Variants in NR3C2 observed in about 807,000 individuals in gnomAD.
NR3C2 encodes mineralocorticoid receptor.
A neutral mutation model predicts 86.4 loss-of-function variants in NR3C2; 15 were observed. The ratio of observed to expected loss-of-function variants is 0.17; its 90% CI spans 0.12 to 0.27. NR3C2 has a LOEUF of 0.27. NR3C2 is among the 10% of genes least tolerant of loss of function. NR3C2 has a pLI of 1.00. For missense variants in NR3C2, 960 were observed against 1,195.6 expected (o/e 0.80, Z 2.91); for synonymous variants, 458 against 450.5 (o/e 1.02, Z -0.21).
intron 6 of NR3C2, among the ~76,000 whole-genome samples, chr4:148,131,221 AGTGT>A (rs1733029308): frequency 6.6e-6 from 1 of 152,158 alleles, no homozygotes; most frequent in Admixed American, 6.5e-5. Flanking sequence ...AGGCAGCAAT[AGTGT>A]CAATCTCGCA....
At chr4:148,340,764 CAAAT>C (rs998498419) in intron 2 of NR3C2, among the ~76,000 whole-genome samples, 3 of 152,016 alleles carry the variant, frequency 2.0e-5, no homozygotes, top group African/African-American at 7.2e-5. Context: ...GGAACTCAAA[CAAAT>C]AAATTTAAAA....
intron 2 of NR3C2, among the ~76,000 whole-genome samples, chr4:148,411,156 A>T (rs900132518): frequency 3.3e-5 from 5 of 151,606 alleles, no homozygotes; most frequent in Admixed American, 6.6e-5. Context: ...CACTGGCCCA[A>T]ACAAAGAATC....
At chr4:148,314,485 ATTATATCTTACAT>A (rs1743067228) in intron 2 of NR3C2, among the ~76,000 whole-genome samples, 1 of 152,270 alleles carries the variant, frequency 6.6e-6, no homozygotes, top group South Asian at 2.1e-4. Flanking sequence ...TTTAAGTAAA[ATTATATCTTACAT>A]TTATATTTTA....
intron 3 of NR3C2, among the ~76,000 whole-genome samples, chr4:148,247,567 A>G (rs370485603): frequency 6.6e-6 from 1 of 151,730 alleles, no homozygotes; most frequent in Admixed American, 6.6e-5. Context: ...GACACAGTAG[A>G]TGATTTAAAA....
intron 2 of NR3C2, chr4:148,368,539 A>G (rs1217694559): frequency 6.6e-6 from 1 of 152,168 alleles, no homozygotes; most frequent in Non-Finnish European, 1.5e-5. Context: ...AATAAAATGA[A>G]CATGGTACTT....
intron 2 of NR3C2, among the ~76,000 whole-genome samples, chr4:148,329,523 CT>C (rs1462942067): frequency 6.6e-6 from 1 of 152,052 alleles, no homozygotes; most frequent in Non-Finnish European, 1.5e-5. Context: ...CTTCACTGCC[CT>C]TTTTTCCACA....
intron 2 of NR3C2, among the ~76,000 whole-genome samples, chr4:148,366,197 A>T (rs965505537): frequency 5.3e-5 from 8 of 152,192 alleles, no homozygotes; most frequent in Non-Finnish European, 1.2e-4. Flanking sequence ...AATCAAAAAA[A>T]AATAACAAAG....
chr4:148,316,480 C>T (rs902027372), intron 2 of NR3C2, among the ~76,000 whole-genome samples: 10 of 152,032 alleles, frequency 6.6e-5, no homozygotes, highest in African/African-American at 2.2e-4. Flanking sequence ...TTCTATAAGG[C>T]ATTAATTACG....
At chr4:148,439,850 A>G (rs1173868400) in intron 1 of NR3C2, among the ~76,000 whole-genome samples, 1 of 152,202 alleles carries the variant, frequency 6.6e-6, no homozygotes, top group Non-Finnish European at 1.5e-5. Flanking sequence ...AAGAGAATCT[A>G]TACTGGAGAT....
intron 3 of NR3C2, among the ~76,000 whole-genome samples, chr4:148,243,024 T>G (rs1739136911): frequency 1.1e-5 from 1 of 89,744 alleles, no homozygotes. Flanking sequence ...ACTTTTCAGG[T>G]TTTTTTTTTT....
chr4:148,325,110 C>CAG (rs75152966), intron 2 of NR3C2, among the ~76,000 whole-genome samples: 1 of 148,674 alleles, frequency 6.7e-6, no homozygotes, highest in East Asian at 1.9e-4. Flanking sequence ...AGTGGAGAGA[C>CAG]AGAGAGAGAG....
intron 6 of NR3C2, among the ~76,000 whole-genome samples, chr4:148,144,944 T>C (rs1026861734): frequency 3.9e-5 from 6 of 152,162 alleles, no homozygotes; most frequent in African/African-American, 9.7e-5. Flanking sequence ...GGTAGTGTTA[T>C]AGTAGGTAGT....
intron 2 of NR3C2, among the ~76,000 whole-genome samples, chr4:148,302,991 T>G (rs1742419934): frequency 6.6e-6 from 1 of 152,118 alleles, no homozygotes; most frequent in Non-Finnish European, 1.5e-5. Flanking sequence ...GAAAGTCCTA[T>G]CTGAGATTCC....
chr4:148,292,693 A>G (rs1292160468), intron 2 of NR3C2, among the ~76,000 whole-genome samples: 1 of 152,130 alleles, frequency 6.6e-6, no homozygotes, highest in Non-Finnish European at 1.5e-5. Flanking sequence ...AATACAGAGT[A>G]TTAATCAGGT....
chr4:148,338,866 G>C (rs1406746346), intron 2 of NR3C2, among the ~76,000 whole-genome samples: 1 of 152,060 alleles, frequency 6.6e-6, no homozygotes, highest in Non-Finnish European at 1.5e-5. Flanking sequence ...ACATCTCAGG[G>C]CCAAATCTAG....
At chr4:148,421,862 T>C (rs1749298574) in intron 2 of NR3C2, among the ~76,000 whole-genome samples, 2 of 152,176 alleles carry the variant, frequency 1.3e-5, no homozygotes, top group African/African-American at 4.8e-5. Flanking sequence ...AAATTCAGTC[T>C]TCAAAAAATG....
intron 4 of NR3C2, among the ~76,000 whole-genome samples, chr4:148,194,319 G>T (rs1234509498): frequency 1.3e-5 from 2 of 152,076 alleles, no homozygotes; most frequent in Non-Finnish European, 2.9e-5. Flanking sequence ...ACATTTCAAA[G>T]CTTTTTTCAT....
At chr4:148,129,440 G>A (rs1317106051) in intron 6 of NR3C2, among the ~76,000 whole-genome samples, 1 of 152,162 alleles carries the variant, frequency 6.6e-6, no homozygotes, top group Non-Finnish European at 1.5e-5. Flanking sequence ...GAGACTGGTT[G>A]CACAACAATG....
chr4:148,408,189 T>A (rs997870587), intron 2 of NR3C2, among the ~76,000 whole-genome samples: 1 of 152,166 alleles, frequency 6.6e-6, no homozygotes, highest in South Asian at 2.1e-4. Context: ...TCTAAGTGAA[T>A]GTGTTTCAAG....
Sources: gnomAD v4.1 joint callset for allele counts (sites outside exome capture counted in the v4.1 genomes callset) on GRCh38, gnomAD v4.1.1 for gene constraint, MANE v1.5 for transcripts, NCBI Gene and HGNC (gene_info 2026-07-23, HGNC 2026-07-21) for gene names.